Variants in PPARGC1A observed in about 807,000 individuals in gnomAD.
The protein encoded by PPARGC1A is PPARG coactivator 1 alpha.
PPARGC1A carries 25 observed loss-of-function variants against 88.7 expected under a neutral mutation model. That is an observed-to-expected ratio of 0.28 (90% CI 0.21 to 0.39). The LOEUF is 0.39. Among genes scored for constraint, PPARGC1A ranks in the 10% least tolerant of loss-of-function variants. PPARGC1A has a pLI of 1.00. For synonymous variants in PPARGC1A, 363 were observed against 355.6 expected (o/e 1.02, Z -0.24); for missense variants, 880 against 968.7 (o/e 0.91, Z 1.22).
chr4:23,881,784 A>G (rs1715992457), intron 2 of PPARGC1A: 1 of 152,230 alleles, frequency 6.6e-6, no homozygotes, highest in Admixed American at 6.5e-5. Context: ...TTACTCAAGT[A>G]CAAGGCCTTC....
intron 2 of PPARGC1A, among the ~76,000 whole-genome samples, chr4:23,844,977 G>T (rs1484807168): frequency 1.3e-5 from 2 of 150,034 alleles, no homozygotes; most frequent in Non-Finnish European, 3.0e-5. Flanking sequence ...AGGGAAAAGA[G>T]TAAGAGTAAG....
At chr4:24,414,649 C>G in the PPARGC1A span, among the ~76,000 whole-genome samples, 1 of 152,266 alleles carries the variant, frequency 6.6e-6, no homozygotes, top group South Asian at 2.1e-4. Context: ...TGCAGTGAGG[C>G]CCAATATAGG....
the PPARGC1A span, among the ~76,000 whole-genome samples, chr4:24,355,914 C>T: frequency 1.3e-5 from 2 of 152,126 alleles, no homozygotes; most frequent in Non-Finnish European, 2.9e-5. Context: ...AATGAGTTTA[C>T]GGCGGGGCAC....
intron 2 of PPARGC1A, chr4:23,865,978 T>C (rs867447124): frequency 5.3e-5 from 8 of 151,952 alleles, no homozygotes; most frequent in Middle Eastern, 3.2e-3. Context: ...CACGCACACA[T>C]GTACATGTGC....
the PPARGC1A span, among the ~76,000 whole-genome samples, chr4:24,215,530 T>G: frequency 2.2e-4 from 33 of 152,336 alleles, no homozygotes; most frequent in East Asian, 5.8e-3. Flanking sequence ...TTGAGTTTAC[T>G]TTTTTAATCA....
At chr4:23,863,707 C>T (rs529267082) in intron 2 of PPARGC1A, among the ~76,000 whole-genome samples, 9 of 152,192 alleles carry the variant, frequency 5.9e-5, no homozygotes, top group South Asian at 4.2e-4. Context: ...GTTTCCTCTC[C>T]GTCCATGGAA....
At chr4:24,163,989 A>T in the PPARGC1A span, among the ~76,000 whole-genome samples, 1 of 152,152 alleles carries the variant, frequency 6.6e-6, no homozygotes. Context: ...TTCCTTGTTC[A>T]TTTGACCACA....
the PPARGC1A span, among the ~76,000 whole-genome samples, chr4:24,091,210 T>G: frequency 6.6e-6 from 1 of 152,200 alleles, no homozygotes; most frequent in Admixed American, 6.5e-5. Context: ...TCAAGAAACT[T>G]TATTAAGAAA....
At chr4:24,463,182 A>C in the PPARGC1A span, among the ~76,000 whole-genome samples, 1 of 152,200 alleles carries the variant, frequency 6.6e-6, no homozygotes, top group African/African-American at 2.4e-5. Context: ...TCTAAAAATA[A>C]AGTGATGTTG....
chr4:24,036,101 G>A, the PPARGC1A span, among the ~76,000 whole-genome samples: 14 of 152,202 alleles, frequency 9.2e-5, no homozygotes, highest in South Asian at 4.1e-4. Context: ...CAATTTCCTC[G>A]TCTGTGAAAT....
the PPARGC1A span, among the ~76,000 whole-genome samples, chr4:23,923,560 C>CA: frequency 6.7e-6 from 1 of 149,064 alleles, no homozygotes; most frequent in Non-Finnish European, 1.5e-5. Context: ...ACAAAAAATG[C>CA]AAAAAAAGAA....
intron 3 of PPARGC1A, among the ~76,000 whole-genome samples, chr4:23,830,713 A>G (rs1724845214): frequency 1.3e-5 from 2 of 152,200 alleles, no homozygotes; most frequent in Admixed American, 6.5e-5. Flanking sequence ...CATAATTTAC[A>G]CAGCATGTCC....
At chr4:24,077,672 T>C in the PPARGC1A span, among the ~76,000 whole-genome samples, 1 of 145,686 alleles carries the variant, frequency 6.9e-6, no homozygotes, top group Non-Finnish European at 1.5e-5. Flanking sequence ...TGTGTGTGTG[T>C]TTCATTCATT....
the PPARGC1A span, among the ~76,000 whole-genome samples, chr4:23,994,986 G>T: frequency 6.6e-6 from 1 of 152,180 alleles, no homozygotes; most frequent in African/African-American, 2.4e-5. Context: ...ACGAGGGTAT[G>T]TTTGAAATTG....
the PPARGC1A span, among the ~76,000 whole-genome samples, chr4:24,101,469 A>C: frequency 1.3e-5 from 2 of 152,362 alleles, no homozygotes; most frequent in Admixed American, 6.5e-5. Context: ...AAGTGTGCCT[A>C]TCAGAAATGT....
At chr4:24,167,530 AC>A in the PPARGC1A span, among the ~76,000 whole-genome samples, 1 of 152,198 alleles carries the variant, frequency 6.6e-6, no homozygotes, top group Non-Finnish European at 1.5e-5. Context: ...ATTACATGCT[AC>A]AGAGAACTCC....
In PPARGC1A at chr4:23,814,635, A is replaced by AG. The variant is rs779482353; in HGVS notation, c.878-31_878-30insC. On this transcript the variant is annotated intron_variant, in intron 7 of 12. Transcript: ENST00000264867. Reference sequence around the variant, plus strand: ...GGCAAAAATTAAAAAAAAAAAAAAAAAGAGAGAGAAAGAAAAGAGACAGAG... The same window carrying AG: ...GGCAAAAATTAAAAAAAAAAAAAAAAGAGAGAGAGAAAGAAAAGAGACAGAG... 115 of 1,292,310 alleles carry AG rather than the reference A, an allele frequency of 8.9e-5. No homozygotes were observed. In the African/African-American group the frequency reaches 1.3e-3, roughly 15 times the overall value. The allele number at this position is 1,292,310 out of a possible 1,614,324, so 80.1% of individuals were successfully genotyped here.
At chr4:24,469,299 G>T in the PPARGC1A span, among the ~76,000 whole-genome samples, 2 of 152,152 alleles carry the variant, frequency 1.3e-5, no homozygotes, top group Non-Finnish European at 2.9e-5. Flanking sequence ...CTCAAATGCT[G>T]AAAATGCAAA....
At chr4:24,148,998 A>G in the PPARGC1A span, among the ~76,000 whole-genome samples, 1 of 152,192 alleles carries the variant, frequency 6.6e-6, no homozygotes, top group African/African-American at 2.4e-5. Context: ...CATTCAAATC[A>G]TACTGCATCC....
Sources: allele counts gnomAD v4.1 joint callset (sites outside exome capture counted in the v4.1 genomes callset), GRCh38; gene constraint gnomAD v4.1.1; transcripts MANE v1.5; gene names NCBI Gene and HGNC (gene_info 2026-07-23, HGNC 2026-07-21).